Variants in ALKBH8 observed in about 807,000 individuals in gnomAD.
ALKBH8 encodes tRNA (carboxymethyluridine(34)-5-O)-methyltransferase ALKBH8.
A neutral mutation model predicts 59.8 loss-of-function variants in ALKBH8; 36 were observed. The observed-to-expected ratio is 0.60, with a 90% CI of 0.46 to 0.79. ALKBH8 has a LOEUF of 0.79. Ranked by LOEUF, ALKBH8 falls within the 30% of genes least tolerant of loss-of-function variation. The pLI is 0.00. For missense variants in ALKBH8, 768 were observed against 801.0 expected (o/e 0.96, Z 0.50); for synonymous variants, 276 against 273.6 (o/e 1.01, Z -0.09).
chr11:107,554,079 T>A, intron 3 of ALKBH8, 101 bp from the exon 4 acceptor site: 1 of 1,436,792 alleles, frequency 7.0e-7, no homozygotes. Context: ...AAACTTCAAA[T>A]CCTCATTTTC....
At position 107,549,788 on chromosome 11, in the gene ALKBH8, CA is replaced by C; in HGVS notation, c.735del (p.Phe245LeufsTer37). 1 of 1,550,312 alleles carries C rather than the reference CA, an allele frequency of 6.5e-7. No individual in the cohort carries two copies. Among genetic ancestry groups the C allele is most frequent in the South Asian group, 1.2e-5 (1 of 83,950 alleles). On this transcript the variant is annotated frameshift_variant, in exon 7 of 12. Transcript: ENST00000428149. LOFTEE classifies it high-confidence loss of function. ...AAACTGAGAGAAACGATCTCATCCT[CA>C]AAAGCGGAATGTGTATCAATATGAG... ...IPAHIDTHSA[F>X]EDEIVSLSLG...
intron 7 of ALKBH8, among the ~76,000 whole-genome samples, chr11:107,538,885 G>C (rs1863927214): frequency 6.6e-6 from 1 of 152,070 alleles, no homozygotes; most frequent in South Asian, 2.1e-4. Flanking sequence ...AGCTGGACAG[G>C]GGACAATATG....
chr11:107,559,328 A>G (rs10502094), intron 2 of ALKBH8, among the ~76,000 whole-genome samples: 6,842 of 152,282 alleles, frequency 0.045, 363 homozygotes, highest in East Asian at 0.26. Context: ...AAGATAAAAT[A>G]TAATTAGAGG....
chr11:107,549,833 A>G lies in ALKBH8; in HGVS notation c.701-10T>C. The G allele has an allele frequency of 2.0e-6, 3 of 1,529,478 alleles. No individual in the cohort carries two copies. The highest frequency in any genetic ancestry group is 2.4e-5 in the South Asian group (2 of 83,182). 94.7% of individuals were successfully genotyped at this position (1,529,478 alleles called of 1,614,324 possible). On this transcript the variant is annotated splice_polypyrimidine_tract_variant and intron_variant, in intron 6 of 11. Coordinates refer to ENST00000428149, the MANE Select transcript of ALKBH8 (RefSeq NM_138775.3). Reference sequence around the variant, plus strand: ...ATATGAGCGGGAATTCCTGAGATGGAAAACAGGACAACACGTCACTTCATT... The same window carrying G: ...ATATGAGCGGGAATTCCTGAGATGGGAAACAGGACAACACGTCACTTCATT...
At chr11:107,537,630 A>T (rs664084) in intron 7 of ALKBH8, among the ~76,000 whole-genome samples, 70,585 of 151,612 alleles carry the variant, frequency 0.47, 17,559 homozygotes, top group Non-Finnish European at 0.56. Flanking sequence ...AGGTGATGGG[A>T]TGATCTGTGC....
intron 3 of ALKBH8, 77 bp downstream of exon 3, chr11:107,556,689 T>C: frequency 9.4e-7 from 1 of 1,061,750 alleles, no homozygotes. Context: ...TCACAATAAC[T>C]GAACCTCCCA....
chr11:107,534,466 T>C (rs1226494834), intron 7 of ALKBH8, among the ~76,000 whole-genome samples: 1 of 152,200 alleles, frequency 6.6e-6, no homozygotes, highest in Non-Finnish European at 1.5e-5. Context: ...TATATCCACC[T>C]AGAAGTTACA....
At chr11:107,551,701 A>T in intron 6 of ALKBH8, 107 bp downstream of exon 6, 1 of 373,584 alleles carries the variant, frequency 2.7e-6, no homozygotes, top group South Asian at 6.4e-5. Context: ...TCTCAAAAAA[A>T]AAAAAATAAT....
intron 7 of ALKBH8, among the ~76,000 whole-genome samples, chr11:107,534,279 A>G (rs145625184): frequency 1.2e-3 from 180 of 152,330 alleles, no homozygotes; most frequent in African/African-American, 4.2e-3. Flanking sequence ...AATAATGAGC[A>G]TATTTATTAT....
At chr11:107,515,714 G>A (rs190580877) in intron 10 of ALKBH8, among the ~76,000 whole-genome samples, 89 of 152,176 alleles carry the variant, frequency 5.8e-4, no homozygotes, top group African/African-American at 2.1e-3. Context: ...AATTGTGGAA[G>A]TACAAGTAAA....
Position 107,560,514 on chromosome 11 carries a change from A to G in ALKBH8, c.129+251T>C, listed in dbSNP as rs674415. On this transcript the variant is annotated intron_variant, in intron 2 of 11. Transcript: ENST00000428149. Reference sequence around the variant, plus strand: ...TATAAGTATGCTTAGGAAACTGAGAAACTTGCACAGTATTATTATTAATAT... The same window carrying G: ...TATAAGTATGCTTAGGAAACTGAGAGACTTGCACAGTATTATTATTAATAT... 4.9e-3 allele frequency among the ~76,000 whole-genome samples: 739 copies of G among 152,252 alleles called. 3 individuals are homozygous for G. The highest frequency in any genetic ancestry group is 0.016 in the African/African-American group (654 of 41,562).
At chr11:107,544,882 C>G (rs1864186917) in intron 7 of ALKBH8, among the ~76,000 whole-genome samples, 1 of 150,468 alleles carries the variant, frequency 6.6e-6, no homozygotes, top group Non-Finnish European at 1.5e-5. Flanking sequence ...AATACACACC[C>G]ACCAGGATGG....
intron 11 of ALKBH8, among the ~76,000 whole-genome samples, chr11:107,508,275 T>C (rs633525): frequency 0.94 from 142,134 of 151,530 alleles, 66,818 homozygotes; most frequent in South Asian, 0.97. Context: ...TGGGTTCATG[T>C]GATTCTCATG....
At chr11:107,522,630 A>C in intron 9 of ALKBH8, 75 bp from the exon 10 acceptor site, 1 of 1,445,460 alleles carries the variant, frequency 6.9e-7, no homozygotes, top group South Asian at 1.4e-5. Flanking sequence ...CTTAAATGAA[A>C]AAAAAAAATC....
intron 7 of ALKBH8, among the ~76,000 whole-genome samples, chr11:107,549,524 G>A (rs563970540): frequency 3.3e-5 from 5 of 152,130 alleles, no homozygotes; most frequent in South Asian, 4.1e-4. Context: ...TAAAAGTTTC[G>A]TGTAAAAAAT....
chr11:107,563,652 C>G (rs766390141), intron 1 of ALKBH8: 1 of 152,196 alleles, frequency 6.6e-6, no homozygotes, highest in Non-Finnish European at 1.5e-5. Flanking sequence ...AGATCTTCAT[C>G]TGTGGAACAG....
intron 7 of ALKBH8, among the ~76,000 whole-genome samples, chr11:107,533,688 A>T (rs1863691239): frequency 6.6e-6 from 1 of 152,228 alleles, no homozygotes; most frequent in Admixed American, 6.5e-5. Context: ...AAATGTATAC[A>T]TAAAAGATGG....
intron 7 of ALKBH8, among the ~76,000 whole-genome samples, chr11:107,540,885 T>G (rs1864007165): frequency 6.6e-6 from 1 of 152,236 alleles, no homozygotes; most frequent in South Asian, 2.1e-4. Context: ...CAACAAATAT[T>G]TTTGAATGAA....
At chr11:107,515,212 A>C (rs1314983637) in intron 10 of ALKBH8, among the ~76,000 whole-genome samples, 1 of 151,992 alleles carries the variant, frequency 6.6e-6, no homozygotes, top group Non-Finnish European at 1.5e-5. Flanking sequence ...TGTTTGAAAA[A>C]TCTCCCTAAT....
Sources: allele counts gnomAD v4.1 joint callset (sites outside exome capture counted in the v4.1 genomes callset), GRCh38; gene constraint gnomAD v4.1.1; transcripts MANE v1.5; gene names NCBI Gene and HGNC (gene_info 2026-07-23, HGNC 2026-07-21).